The following ATG2A variants were observed in gnomAD, a reference collection of about 807,000 sequenced individuals.
ATG2A encodes autophagy-related protein 2 homolog A.
A neutral mutation model predicts 214.2 loss-of-function variants in ATG2A; 103 were observed. That is an observed-to-expected ratio of 0.48 (90% CI 0.41 to 0.57). ATG2A has a LOEUF of 0.57. Ranked by LOEUF, ATG2A falls within the 20% of genes least tolerant of loss-of-function variation. ATG2A has a pLI of 0.00. For missense variants in ATG2A, 2,312 were observed against 2,613.2 expected, an observed-to-expected ratio of 0.88 and a Z score of 2.51; for synonymous variants, 1,160 against 1,142.1, an observed-to-expected ratio of 1.02 and a Z score of -0.32.
In ATG2A at chr11:64,913,763, C is replaced by CTT; in HGVS notation, c.590+57_590+58insAA. 6.5e-7 allele frequency: 1 copy of CTT among 1,527,692 alleles called. No individual in the cohort carries two copies. The highest frequency in any genetic ancestry group is 2.3e-5 in the East Asian group (1 of 44,412). The allele number at this position is 1,527,692 out of a possible 1,614,324, so 94.6% of individuals were successfully genotyped here. A position where few individuals can be genotyped will look rare whatever the true frequency, so the allele number is the denominator to read the frequency against. On this transcript the variant is annotated intron_variant, in intron 4 of 40. Coordinates refer to ENST00000377264, the MANE Select transcript of ATG2A (RefSeq NM_015104.3). This position sits in a 1 kb window ranked among gnomAD's most constrained non-coding sequence, Gnocchi z 4.3. ...AACCTAGGCTGCGGGTGGGGACCAT[C>CTT]CAGCAGCCCCCACTCCCCATCTTCA...
At chr11:64,897,612 C>T (rs1944200708) in intron 36 of ATG2A, 59 bp downstream of exon 36, 9 of 1,611,976 alleles carry the variant, frequency 5.6e-6, no homozygotes, top group Non-Finnish European at 5.9e-6. Context: ...ACCTGGCCCC[C>T]AGAGGGACTC....
rs111982953 is a variant in ATG2A, at chr11:64,905,303, A to G, written c.3464+260T>C. On this transcript the variant is annotated intron_variant, in intron 24 of 40. Coordinates refer to ENST00000377264, the MANE Select transcript of ATG2A (RefSeq NM_015104.3). ...CTGTTTTAACTTATACTCCATAAGCATTAAATCCCACCTCTCTTATTCGCA... is the reference window on the plus strand; with the variant it reads ...CTGTTTTAACTTATACTCCATAAGCGTTAAATCCCACCTCTCTTATTCGCA... 2.0e-3 allele frequency among the ~76,000 whole-genome samples: 302 copies of G among 152,342 alleles called. 1 individual carries two copies. The highest frequency in any genetic ancestry group is 5.7e-3 in the African/African-American group (235 of 41,568).
In ATG2A at chr11:64,906,679, G is replaced by A. The variant is rs761743760; in HGVS notation, c.2969C>T (p.Thr990Ile). Residue 990 changes from threonine (T) to isoleucine (I), a missense_variant, in exon 20 of 41, where the codon ACA becomes ATA. Thr to Ile is a moderately conservative substitution (Grantham distance 89). Coordinates refer to ENST00000377264, the MANE Select transcript of ATG2A (RefSeq NM_015104.3). ...GYFCLEAEKA[T>I]LYHRAAVDDY... The stretch of plus-strand genomic sequence containing the variant: ...AGGCCTCACACCTCGGTGGTAGAGT[G>A]TTGCCTTTTCAGCTTCCAGACAGAA... 1 of 1,613,554 alleles carries A rather than the reference G, an allele frequency of 6.2e-7. No homozygotes were observed. Among genetic ancestry groups the A allele is most frequent in the South Asian group, 1.1e-5 (1 of 91,088 alleles).
At chr11:64,899,688 G>T (rs1437245067) in intron 31 of ATG2A, among the ~76,000 whole-genome samples, 1 of 152,010 alleles carries the variant, frequency 6.6e-6, no homozygotes, top group African/African-American at 2.4e-5. Context: ...AGGCTCTCCT[G>T]AACCTGCTCA....
Position 64,913,553 on chromosome 11 carries a change from GC to G in ATG2A, c.591-153del, listed in dbSNP as rs1230250792. The G allele has an allele frequency of 4.5e-6, 5 of 1,099,690 alleles. No individual in the cohort carries two copies. The highest frequency in any genetic ancestry group is 6.3e-6 in the Non-Finnish European group (5 of 792,504). 68.1% of individuals were successfully genotyped at this position (1,099,690 alleles called of 1,614,324 possible). On this transcript the variant is annotated intron_variant, in intron 4 of 40. Coordinates refer to ENST00000377264, the MANE Select transcript of ATG2A (RefSeq NM_015104.3). The surrounding 1 kb of genome is among the most constrained non-coding windows in gnomAD (Gnocchi z 4.3). ...AGGCCGTCCTGAACCACCATGTCCA[GC>G]CCGGAGGCTCAGGCCAGCCCTTGCT...
chr11:64,914,543 A>G (rs369542718), intron 1 of ATG2A, 43 bp from the exon 2 acceptor site: 6 of 1,597,988 alleles, frequency 3.8e-6, no homozygotes, highest in Non-Finnish European at 5.1e-6. Flanking sequence ...GGAAACCCCA[A>G]ATCCCACAGG....
chr11:64,896,771 G>T lies in ATG2A; in HGVS notation c.5249C>A (p.Pro1750His). 1 of 1,614,234 alleles carries T rather than the reference G, an allele frequency of 6.2e-7. No individual in the cohort carries two copies. Among genetic ancestry groups the T allele is most frequent in the Non-Finnish European group, 8.5e-7 (1 of 1,180,048 alleles). ...ACAGAGCTGGACAACCGAGTGCATG[G>T]GGCCCACGCCTCCCAGCAGGCCGGG... Reference protein sequence around the residue: ...QLPGLLGGVGPMHSVVQLFQG... With the variant: ...QLPGLLGGVGHMHSVVQLFQG... Residue 1750 changes from proline to histidine, a missense_variant, in exon 38 of 41, where the codon CCC (proline) becomes CAC (histidine). Transcript: ENST00000377264.
Position 64,909,885 on chromosome 11 carries a change from G to T in ATG2A, c.1903C>A (p.Arg635=), listed in dbSNP as rs200849383. 14 of 1,607,664 alleles carry T rather than the reference G, an allele frequency of 8.7e-6. No individual in the cohort carries two copies. Among genetic ancestry groups the T allele is most frequent in the African/African-American group, 1.3e-5 (1 of 74,838 alleles). The change falls in exon 14 of 41, where the codon CGG becomes AGG. Residue 635 remains arginine (R), a synonymous_variant. Coordinates refer to ENST00000377264, the MANE Select transcript of ATG2A (RefSeq NM_015104.3). ...LPAMEQQTVF[R]LSAPRATLRL... ...AGCGTGGCCCGGGGTGCAGAGAGCC[G>T]AAATACCGTCTGCTGCTCCATCGCC... is the stretch of plus-strand genomic sequence containing the variant.
chr11:64,902,540 G>GC lies in ATG2A; in HGVS notation c.3752dup (p.Ser1251ArgfsTer32), dbSNP rs1180108201. 6.5e-7 allele frequency: 1 copy of GC among 1,545,100 alleles called. No individual in the cohort carries two copies. Among genetic ancestry groups the GC allele is most frequent in the Non-Finnish European group, 8.7e-7 (1 of 1,146,564 alleles). On this transcript the variant is annotated frameshift_variant, in exon 27 of 41. Transcript: ENST00000377264. LOFTEE classifies it high-confidence loss of function. ...CCTTCTGGCCGGCGATCTCCGTGGGGCTGGGGGGCCGGGGTGGGGGGTGCA... is the reference window on the plus strand; with the variant it reads ...CCTTCTGGCCGGCGATCTCCGTGGGGCCTGGGGGGCCGGGGTGGGGGGTGCA...
chr11:64,901,739 C>T (rs1231076155), intron 29 of ATG2A, among the ~76,000 whole-genome samples: 1 of 152,192 alleles, frequency 6.6e-6, no homozygotes, highest in African/African-American at 2.4e-5. Flanking sequence ...CAGGCCTCCT[C>T]TTCCTCTGGA....
In ATG2A at chr11:64,899,861, AT is replaced by A. The variant is rs749811813; in HGVS notation, c.4464+632del. 7.3e-3 allele frequency among the ~76,000 whole-genome samples: 1,017 copies of A among 139,112 alleles called. 2 individuals carry two copies. The highest frequency in any genetic ancestry group is 0.012 in the Admixed American group (166 of 13,820). The allele number at this position is 139,112 out of a possible 152,430, so 91.3% of individuals were successfully genotyped here. A position where few individuals can be genotyped will look rare whatever the true frequency, so the allele number is the denominator to read the frequency against. Reference sequence around the variant, plus strand: ...TGTCAGGATGCTTCCAGCTTCCAGCATTTTTTTTTTTTTTTGAAACAGAGTC... The same window carrying A: ...TGTCAGGATGCTTCCAGCTTCCAGCATTTTTTTTTTTTTTGAAACAGAGTC... On this transcript the variant is annotated intron_variant, in intron 31 of 40. Coordinates refer to ENST00000377264, the MANE Select transcript of ATG2A (RefSeq NM_015104.3).
Position 64,906,485 on chromosome 11 carries a change from A to T in ATG2A, c.3032T>A (p.Phe1011Tyr). Residue 1011 changes from phenylalanine (F) to tyrosine (Y), a missense_variant, in exon 21 of 41, where the codon TTC becomes TAC. Phe to Tyr is a conservative substitution (Grantham distance 22). Coordinates refer to ENST00000377264, the MANE Select transcript of ATG2A (RefSeq NM_015104.3). ...PLPSHLDLPS[F>Y]APPAQLAPTI... is the part of the protein sequence containing the mutation. ...TGGGGCCAGCTGAGCCGGGGGAGCG[A>T]AACTGGGAAGGTCCAGGTGACTGGG... is the stretch of plus-strand genomic sequence containing the variant. 1 of 1,613,300 alleles carries T rather than the reference A, an allele frequency of 6.2e-7. No homozygotes were observed. The highest frequency in any genetic ancestry group is 1.1e-5 in the South Asian group (1 of 91,080).
chr11:64,908,037 C>G, intron 16 of ATG2A, 147 bp from the exon 17 acceptor site: 1 of 972,272 alleles, frequency 1.0e-6, no homozygotes, highest in East Asian at 2.6e-5. Context: ...GATAGCCGTA[C>G]AGATACAGTG....
At position 64,898,400 on chromosome 11, in the gene ATG2A, C is replaced by T; in HGVS notation, c.4672-38G>A. 1 of 1,525,712 alleles carries T rather than the reference C, an allele frequency of 6.6e-7. No individual in the cohort carries two copies. The highest frequency in any genetic ancestry group is 2.1e-5 in the Admixed American group (1 of 46,658). 94.5% of individuals were successfully genotyped at this position (1,525,712 alleles called of 1,614,324 possible). On this transcript the variant is annotated intron_variant, in intron 32 of 40. Transcript: ENST00000377264. The surrounding 1 kb of genome is among the most constrained non-coding windows in gnomAD (Gnocchi z 4.5). Reference sequence around the variant, plus strand: ...GGTGAGTTCTGGACACCTGCTGGGCCTCTGGGGCAGCAGCTCACCCAGCTG... The same window carrying T: ...GGTGAGTTCTGGACACCTGCTGGGCTTCTGGGGCAGCAGCTCACCCAGCTG...
intron 14 of ATG2A, 66 bp downstream of exon 14, chr11:64,909,615 C>A: frequency 1.3e-6 from 2 of 1,585,166 alleles, no homozygotes; most frequent in Non-Finnish European, 8.6e-7. Context: ...CCTTCCATAG[C>A]CCCAAGCCCA....
intron 29 of ATG2A, 84 bp from the exon 30 acceptor site, chr11:64,901,176 T>C: frequency 7.3e-7 from 1 of 1,367,280 alleles, no homozygotes; most frequent in Non-Finnish European, 9.9e-7. Flanking sequence ...GCCTCACTTC[T>C]TTTTCATTTT....
intron 23 of ATG2A, 31 bp from the exon 24 acceptor site, chr11:64,905,686 C>T (rs1389274193): frequency 1.9e-6 from 3 of 1,613,572 alleles, no homozygotes; most frequent in Admixed American, 3.3e-5. Flanking sequence ...GGGGCCGGCT[C>T]CTTACACCTG....
chr11:64,898,850 G>T lies in ATG2A; in HGVS notation c.4465-8C>A, dbSNP rs200322092. The T allele has an allele frequency of 6.2e-7, 1 of 1,605,452 alleles. No individual in the cohort carries two copies. Among genetic ancestry groups the T allele is most frequent in the East Asian group, 2.2e-5 (1 of 44,838 alleles). ...CTCGTGCTGGAAGCTTACCTGTGGG[G>T]TGGACAGAGGCCTGGCCAGGTAAGC... is the stretch of plus-strand genomic sequence containing the variant. On this transcript the variant is annotated splice_polypyrimidine_tract_variant and splice_region_variant and intron_variant, in intron 31 of 40. Coordinates refer to ENST00000377264, the MANE Select transcript of ATG2A (RefSeq NM_015104.3). The surrounding 1 kb of genome is among the most constrained non-coding windows in gnomAD (Gnocchi z 4.5).
rs1051259016 is a variant in ATG2A, at chr11:64,909,368, C to T, written c.2108-1G>A. The T allele has an allele frequency of 1.2e-6, 2 of 1,611,818 alleles. No individual in the cohort carries two copies. Among genetic ancestry groups the T allele is most frequent in the African/African-American group, 2.7e-5 (2 of 74,852 alleles). The stretch of plus-strand genomic sequence containing the variant: ...GGCTTCCCTCCATCTTCATAGATAC[C>T]TGGAGGGGGATGGGGAATTAGGGGG... On this transcript the variant is annotated splice_acceptor_variant, in intron 14 of 40. Transcript: ENST00000377264. LOFTEE classifies it high-confidence loss of function.
Sources: allele counts gnomAD v4.1 joint callset (sites outside exome capture counted in the v4.1 genomes callset), GRCh38; gene constraint gnomAD v4.1.1; non-coding constraint Gnocchi (gnomAD v3.1); transcripts MANE v1.5; gene names NCBI Gene and HGNC (gene_info 2026-07-23, HGNC 2026-07-21).